IDE: variants seen among roughly 807,000 people sequenced by gnomAD.
The protein encoded by IDE is insulin-degrading enzyme.
IDE carries 58 observed loss-of-function variants against 133.2 expected under a neutral mutation model. The ratio of observed to expected loss-of-function variants is 0.44; its 90% CI spans 0.35 to 0.54. The LOEUF (loss-of-function observed/expected upper bound fraction) is 0.54. Ranked by LOEUF, IDE falls within the 20% of genes least tolerant of loss-of-function variation. IDE has a pLI of 0.00. For synonymous variants in IDE, 396 were observed against 421.3 expected, an observed-to-expected ratio of 0.94 and a Z score of 0.73; for missense variants, 981 against 1,234.0, an observed-to-expected ratio of 0.79 and a Z score of 3.07.
chr10:92,524,052 T>A (rs1849375400), intron 4 of IDE, among the ~76,000 whole-genome samples: 1 of 151,710 alleles, frequency 6.6e-6, no homozygotes, highest in African/African-American at 2.4e-5. Flanking sequence ...GGTTTCTAGT[T>A]TATCAGGAAC....
intron 1 of IDE, among the ~76,000 whole-genome samples, chr10:92,538,638 G>A (rs879556470): frequency 9.9e-5 from 15 of 152,200 alleles, no homozygotes; most frequent in Non-Finnish European, 1.9e-4. Flanking sequence ...TGATGGGAAA[G>A]GACTATCAGT....
intron 4 of IDE, among the ~76,000 whole-genome samples, chr10:92,528,762 G>A (rs1264472567): frequency 6.6e-6 from 1 of 151,974 alleles, no homozygotes; most frequent in African/African-American, 2.4e-5. Context: ...CCTTTTTCTG[G>A]TATTATTATT....
At chr10:92,456,595 T>C (rs1845020784) in intron 22 of IDE, among the ~76,000 whole-genome samples, 164 bp from the exon 23 acceptor site, 1 of 152,072 alleles carries the variant, frequency 6.6e-6, no homozygotes, top group African/African-American at 2.4e-5. Flanking sequence ...TCCCAGCACT[T>C]TGGGAGGCCG....
intron 1 of IDE, chr10:92,541,383 A>T: frequency 2.1e-6 from 1 of 465,782 alleles, no homozygotes; most frequent in South Asian, 1.6e-5. Flanking sequence ...CTGTATTTAT[A>T]CTCATAAGAT....
At chr10:92,456,879 A>C (rs989309927) in intron 22 of IDE, among the ~76,000 whole-genome samples, 1 of 150,436 alleles carries the variant, frequency 6.6e-6, no homozygotes, top group African/African-American at 2.4e-5. Flanking sequence ...AAAAAGAAAA[A>C]GAAAAAGAAA....
At chr10:92,561,757 G>A (rs971873583) in intron 1 of IDE, among the ~76,000 whole-genome samples, 11 of 149,354 alleles carry the variant, frequency 7.4e-5, no homozygotes, top group African/African-American at 2.2e-4. Context: ...GCGAGACTCC[G>A]TCACCAAAAA....
In IDE at chr10:92,552,032, A is replaced by G. The variant is rs369460198; in HGVS notation, c.99-14482T>C. 2.0e-5 allele frequency among the ~76,000 whole-genome samples: 3 copies of G among 152,198 alleles called. No individual in the cohort carries two copies. In the East Asian group the frequency reaches 5.8e-4, roughly 29 times the overall value. On this transcript the variant is annotated intron_variant, in intron 1 of 24. Transcript: ENST00000265986. Reference sequence around the variant, plus strand: ...GTTACATATTCTTTATCACAATAATAAAACCAACCATGATGGGGGGGTGGG... The same window carrying G: ...GTTACATATTCTTTATCACAATAATGAAACCAACCATGATGGGGGGGTGGG...
rs56377277 is a variant in IDE, at chr10:92,488,932, TAAAAAAAAAA to T, written c.1533+1551_1533+1560del. Among the ~76,000 whole-genome samples the T allele has an allele frequency of 5.1e-5, 4 of 78,970 alleles. No individual in the cohort carries two copies. In the South Asian group the frequency reaches 2.4e-3, roughly 47 times the overall value. 51.8% of individuals were successfully genotyped at this position (78,970 alleles called of 152,430 possible). On this transcript the variant is annotated intron_variant, in intron 12 of 24. Transcript: ENST00000265986. ...CTAATTTATAAGGCTTTTCATTATT[TAAAAAAAAAA>T]AAAAAAAAAAAAAGCAACTGGCCAG...
intron 15 of IDE, chr10:92,478,631 T>C (rs1846420869): frequency 1.7e-6 from 2 of 1,176,618 alleles, no homozygotes; most frequent in Non-Finnish European, 2.2e-6. Flanking sequence ...TTCTTTGGTT[T>C]TCATTTTACT....
rs959112665 is a variant in IDE at position 92,465,848 on chromosome 10, G to A, written c.2321-5C>T. ...GCTGATAAACAAACCATCCTCCTAG[G>A]AAGTTTCAAAAAGACAGCAGCAAGT... is the stretch of plus-strand genomic sequence containing the variant. On this transcript the variant is annotated splice_region_variant and splice_polypyrimidine_tract_variant and intron_variant, in intron 19 of 24. Coordinates refer to ENST00000265986, the MANE Select transcript of IDE (RefSeq NM_004969.4). 32 of 1,613,456 alleles carry A rather than the reference G, an allele frequency of 2.0e-5. No homozygotes were observed. In the Admixed American group the frequency reaches 3.2e-4, roughly 16 times the overall value.
At chr10:92,527,140 A>ATTTTCTTTT in intron 4 of IDE, among the ~76,000 whole-genome samples, 1 of 152,208 alleles carries the variant, frequency 6.6e-6, no homozygotes, top group African/African-American at 2.4e-5. Flanking sequence ...TTTCTTTTAA[A>ATTTTCTTTT]AGTTGTAGCG....
At chr10:92,496,170 T>C (rs1285779122) in intron 11 of IDE, among the ~76,000 whole-genome samples, 1 of 152,210 alleles carries the variant, frequency 6.6e-6, no homozygotes, top group East Asian at 1.9e-4. Flanking sequence ...CCACCACGCC[T>C]GGCCTAAAGT....
At chr10:92,546,737 A>G (rs1842548637) in intron 1 of IDE, among the ~76,000 whole-genome samples, 2 of 152,214 alleles carry the variant, frequency 1.3e-5, no homozygotes, top group South Asian at 4.1e-4. Flanking sequence ...CTCATTACAT[A>G]TTATTTGAAA....
At chr10:92,480,662 G>A (rs1218155937) in intron 14 of IDE, 2 of 152,268 alleles carry the variant, frequency 1.3e-5, no homozygotes, top group Non-Finnish European at 2.9e-5. Context: ...CTAAAGGCCT[G>A]AGGCAGGTGC....
At chr10:92,466,860 C>T (rs1046825379) in intron 19 of IDE, among the ~76,000 whole-genome samples, 5 of 151,700 alleles carry the variant, frequency 3.3e-5, no homozygotes, top group Non-Finnish European at 7.4e-5. Context: ...TCAGGTGATC[C>T]ACCCACCTCA....
intron 1 of IDE, among the ~76,000 whole-genome samples, chr10:92,562,123 T>C (rs1843311759): frequency 6.6e-6 from 1 of 152,148 alleles, no homozygotes; most frequent in Non-Finnish European, 1.5e-5. Context: ...AGATTATCCC[T>C]TTTTCCCAAA....
chr10:92,555,436 G>A lies in IDE; in HGVS notation c.99-17886C>T, dbSNP rs376833208. ...CACTTGAACCCAGGAGGCGGAGGTT[G>A]CGGTGAGCCGTGATAGTGCCATTGC... is the stretch of plus-strand genomic sequence containing the variant. On this transcript the variant is annotated intron_variant, in intron 1 of 24. Coordinates refer to ENST00000265986, the MANE Select transcript of IDE (RefSeq NM_004969.4). Among the ~76,000 whole-genome samples, 4 of 151,330 alleles carry A rather than the reference G, an allele frequency of 2.6e-5. No individual in the cohort carries two copies. In the East Asian group the frequency reaches 5.9e-4, roughly 22 times the overall value.
intron 4 of IDE, among the ~76,000 whole-genome samples, chr10:92,530,226 CAATAAATAAATA>C (rs200517884): frequency 5.3e-5 from 8 of 149,736 alleles, no homozygotes; most frequent in South Asian, 2.1e-4. Flanking sequence ...GACTCCGTCT[CAATAAATAAATA>C]AATAAATAAA....
chr10:92,512,479 T>C (rs922798189), intron 5 of IDE, among the ~76,000 whole-genome samples: 1 of 152,112 alleles, frequency 6.6e-6, no homozygotes, highest in East Asian at 1.9e-4. Flanking sequence ...GGGATCAGGT[T>C]TGATTCATCT....
Sources: gnomAD v4.1 joint callset for allele counts (sites outside exome capture counted in the v4.1 genomes callset) on GRCh38, gnomAD v4.1.1 for gene constraint, MANE v1.5 for transcripts, NCBI Gene and HGNC (gene_info 2026-07-23, HGNC 2026-07-21) for gene names.